The following SLC7A2 variants were observed in gnomAD, a reference collection of about 807,000 sequenced individuals.
The protein encoded by SLC7A2 is cationic amino acid transporter 2.
In SLC7A2, 48 loss-of-function variants were observed where a neutral mutation model predicts 58.9. The observed-to-expected ratio is 0.82, with a 90% CI of 0.65 to 1.04. The LOEUF is 1.04. Ranked by LOEUF, SLC7A2 falls within the 50% of genes least tolerant of loss-of-function variation. The pLI is 0.00. For synonymous variants in SLC7A2, 363 were observed against 314.5 expected (o/e 1.15, Z -1.63); for missense variants, 1,029 against 818.8 (o/e 1.26, Z -3.13).
At chr8:17,548,305 C>T (rs1802275021) in intron 4 of SLC7A2, among the ~76,000 whole-genome samples, 1 of 152,228 alleles carries the variant, frequency 6.6e-6, no homozygotes, top group Non-Finnish European at 1.5e-5. Flanking sequence ...CATACCACTG[C>T]ACTTCTGCCA....
At position 17,561,991 on chromosome 8, in the gene SLC7A2, G is replaced by A. The variant is rs1803016767; in HGVS notation, c.1552G>A (p.Ala518Thr). Reference sequence around the variant, plus strand: ...TGTCTTGACCACTTACGGAGTTCATGCCATCACCAGGCTGGAGGCCTGGAG... The same window carrying A: ...TGTCTTGACCACTTACGGAGTTCATACCATCACCAGGCTGGAGGCCTGGAG... ...LSVLTTYGVHAITRLEAWSLA... is the reference protein window; with the variant it reads ...LSVLTTYGVHTITRLEAWSLA... Residue 518 changes from alanine to threonine, a missense_variant, in exon 11 of 13, where the codon GCC becomes ACC. By Grantham distance (58) the Ala-to-Thr change is moderately conservative. Coordinates refer to ENST00000494857, the MANE Select transcript of SLC7A2 (RefSeq NM_001370338.1). 1.2e-6 allele frequency: 2 copies of A among 1,614,072 alleles called. No homozygotes were observed. Among genetic ancestry groups the A allele is most frequent in the Middle Eastern group, 1.7e-4 (1 of 6,060 alleles).
chr8:17,531,380 A>T (rs1479432862), intron 2 of SLC7A2, among the ~76,000 whole-genome samples: 1 of 152,224 alleles, frequency 6.6e-6, no homozygotes, highest in Non-Finnish European at 1.5e-5. Context: ...GTAACAAAAG[A>T]TTAAAAAATG....
intron 7 of SLC7A2, among the ~76,000 whole-genome samples, chr8:17,552,840 A>G (rs1802515688): frequency 6.6e-6 from 1 of 152,190 alleles, no homozygotes; most frequent in African/African-American, 2.4e-5. Flanking sequence ...ATGGTAGAAG[A>G]GTCTTGCAAA....
intron 1 of SLC7A2, among the ~76,000 whole-genome samples, chr8:17,501,434 T>G (rs1245619369): frequency 6.6e-6 from 1 of 152,212 alleles, no homozygotes; most frequent in East Asian, 1.9e-4. Context: ...TAAGGCTATT[T>G]TAGAGGCTGG....
chr8:17,536,096 A>G (rs1206621277), intron 2 of SLC7A2, among the ~76,000 whole-genome samples: 1 of 128,120 alleles, frequency 7.8e-6, no homozygotes, highest in Non-Finnish European at 1.6e-5. Context: ...TTACTTCCAT[A>G]ATTCCTTGGC....
At chr8:17,524,518 G>GC (rs1801148300) in intron 2 of SLC7A2, among the ~76,000 whole-genome samples, 1 of 151,844 alleles carries the variant, frequency 6.6e-6, no homozygotes, top group Non-Finnish European at 1.5e-5. Context: ...CAACCTGGAT[G>GC]GAATTGGATA....
chr8:17,532,219 G>C (rs1801479126), intron 2 of SLC7A2, among the ~76,000 whole-genome samples: 1 of 103,268 alleles, frequency 9.7e-6, no homozygotes, highest in Non-Finnish European at 1.7e-5. Flanking sequence ...AACAGGGCAA[G>C]ACTCTATCTC....
rs1803251554 is a variant in SLC7A2 at position 17,566,075 on chromosome 8, ATAAG to A, written c.*932_*935del. 6.6e-6 allele frequency: 1 copy of A among 152,250 alleles called. No homozygotes were observed. The highest frequency in any genetic ancestry group is 1.5e-5 in the Non-Finnish European group (1 of 68,044). 9.4% of individuals were successfully genotyped at this position (152,250 alleles called of 1,614,324 possible). On this transcript the variant is annotated 3_prime_UTR_variant, in exon 13 of 13. Coordinates refer to ENST00000494857, the MANE Select transcript of SLC7A2 (RefSeq NM_001370338.1). ...ATCAAAGAGTTAGACCAATGCTTGA[ATAAG>A]TAGACCCCAAGCATCCTTTTCTAAA...
At position 17,548,805 on chromosome 8, in the gene SLC7A2, T is replaced by G. The variant is rs772845860; in HGVS notation, c.660T>G (p.Ile220Met). ...FVKGNVANWK[I>M]SEEFLKNISA... ...AAGGAAATGTGGCAAACTGGAAGATTAGTGAAGAGTTTCTCAAAAATATAT... is the reference window on the plus strand; with the variant it reads ...AAGGAAATGTGGCAAACTGGAAGATGAGTGAAGAGTTTCTCAAAAATATAT... Residue 220 changes from isoleucine (I) to methionine (M), a missense_variant, in exon 5 of 13, where the codon ATT becomes ATG. Physicochemically the swap from Ile to Met is conservative, Grantham distance 10 (BLOSUM62 1). Transcript: ENST00000494857. The G allele has an allele frequency of 1.9e-6, 3 of 1,612,588 alleles. No homozygotes were observed. The Admixed American group carries it at 5.0e-5, about 27-fold the overall frequency.
chr8:17,523,335 G>A (rs1469290574), intron 2 of SLC7A2, among the ~76,000 whole-genome samples: 2 of 152,084 alleles, frequency 1.3e-5, no homozygotes, highest in South Asian at 2.1e-4. Flanking sequence ...GAACAAATCT[G>A]GAGGCATCAT....
intron 2 of SLC7A2, chr8:17,510,942 C>T (rs1205534700): frequency 6.6e-6 from 1 of 152,200 alleles, no homozygotes; most frequent in African/African-American, 2.4e-5. Context: ...GCGATCATAT[C>T]CTTTGCAGGA....
rs1333235008 is a variant in SLC7A2, at chr8:17,543,361, C to G, written c.22C>G (p.Leu8Val). 6.2e-7 allele frequency: 1 copy of G among 1,613,972 alleles called. No homozygotes were observed. The highest frequency in any genetic ancestry group is 8.5e-7 in the Non-Finnish European group (1 of 1,179,926). MIPCRAA[L>V]TFARCLIRRK... ...CAGAATGATTCCTTGCAGAGCCGCG[C>G]TGACCTTTGCCCGATGTCTGATCCG... is the stretch of plus-strand genomic sequence containing the variant. The change falls in exon 3 of 13, where the codon CTG (leucine) becomes GTG (valine). Residue 8 changes from leucine (L) to valine (V), a missense_variant. Leu to Val is a conservative substitution (Grantham distance 32). Coordinates refer to ENST00000494857, the MANE Select transcript of SLC7A2 (RefSeq NM_001370338.1).
chr8:17,510,229 AAATAAT>A (rs56122987), intron 2 of SLC7A2, among the ~76,000 whole-genome samples: 24 of 149,360 alleles, frequency 1.6e-4, no homozygotes, highest in East Asian at 3.9e-4. Context: ...CAAAATAAAC[AAATAAT>A]AATAATAATA....
At position 17,544,532 on chromosome 8, in the gene SLC7A2, A is replaced by G; in HGVS notation, c.458A>G (p.Tyr153Cys). Residue 153 changes from tyrosine to cysteine, a missense_variant, in exon 4 of 13, where the codon TAC (tyrosine) becomes TGC (cysteine). By Grantham distance (194) the Tyr-to-Cys change is radical. Coordinates refer to ENST00000494857, the MANE Select transcript of SLC7A2 (RefSeq NM_001370338.1). ...CAGATTGGTCAGTTTTTGAGGACAT[A>G]CTTCAGAATGAATTACACTGGTCTT... ...SKQIGQFLRTYFRMNYTGLAE... is the reference protein window; with the variant it reads ...SKQIGQFLRTCFRMNYTGLAE... 6.2e-7 allele frequency: 1 copy of G among 1,614,018 alleles called. No homozygotes were observed. The highest frequency in any genetic ancestry group is 8.5e-7 in the Non-Finnish European group (1 of 1,179,934).
At chr8:17,557,038 C>G (rs1456426937) in intron 8 of SLC7A2, among the ~76,000 whole-genome samples, 1 of 152,184 alleles carries the variant, frequency 6.6e-6, no homozygotes, top group Non-Finnish European at 1.5e-5. Context: ...GTTAGCCTAT[C>G]TCTAAGATGG....
rs779741824 is a variant in SLC7A2, at chr8:17,564,911, T to C, written c.1781-39T>C. 1.5e-4 allele frequency: 219 copies of C among 1,480,862 alleles called. 1 individual carries two copies. The South Asian group carries it at 2.8e-3, about 19-fold the overall frequency. The allele number at this position is 1,480,862 out of a possible 1,614,324, so 91.7% of individuals were successfully genotyped here. ...ATAACTTAAAAGTCATTTTCTGACATACCTGAAACATTGATTTTTTTTTTT... is the reference window on the plus strand; with the variant it reads ...ATAACTTAAAAGTCATTTTCTGACACACCTGAAACATTGATTTTTTTTTTT... On this transcript the variant is annotated intron_variant, in intron 12 of 12. Coordinates refer to ENST00000494857, the MANE Select transcript of SLC7A2 (RefSeq NM_001370338.1).
At chr8:17,537,889 G>A (rs1421971279) in intron 2 of SLC7A2, among the ~76,000 whole-genome samples, 1 of 152,114 alleles carries the variant, frequency 6.6e-6, no homozygotes, top group Non-Finnish European at 1.5e-5. Context: ...TTCAAGTTTT[G>A]CTTCTTCTGT....
chr8:17,500,816 ACACACACAC>A (rs1800127844), intron 1 of SLC7A2, among the ~76,000 whole-genome samples: 1 of 79,204 alleles, frequency 1.3e-5, no homozygotes, highest in African/African-American at 3.0e-5. Context: ...ACACACACAC[ACACACACAC>A]ACACACACAC....
At chr8:17,543,146 C>T (rs1367120044) in intron 2 of SLC7A2, among the ~76,000 whole-genome samples, 172 bp from the exon 3 acceptor site, 1 of 151,866 alleles carries the variant, frequency 6.6e-6, no homozygotes, top group Non-Finnish European at 1.5e-5. Flanking sequence ...ATTAAACCTT[C>T]CTTCTGACTG....
Sources: gnomAD v4.1 joint callset for allele counts (sites outside exome capture counted in the v4.1 genomes callset) on GRCh38, gnomAD v4.1.1 for gene constraint, MANE v1.5 for transcripts, NCBI Gene and HGNC (gene_info 2026-07-23, HGNC 2026-07-21) for gene names.